Variants in CERKL observed in about 807,000 individuals in gnomAD.
The protein encoded by CERKL is CERK like autophagy regulator.
Under a neutral mutation model 63.4 loss-of-function variants are expected in CERKL, and 61 were observed. The ratio of observed to expected loss-of-function variants is 0.96; its 90% confidence interval spans 0.78 to 1.19. The LOEUF is 1.19. CERKL is among the 50% of genes most tolerant of loss of function. The pLI, the probability that CERKL is intolerant of heterozygous loss-of-function variation, is 0.00. For missense variants in CERKL, 675 were observed against 655.5 expected, an observed-to-expected ratio of 1.03 and a Z score of -0.33; for synonymous variants, 250 against 230.5, an observed-to-expected ratio of 1.08 and a Z score of -0.77.
chr2:181,536,781 A>G lies in CERKL; in HGVS notation c.*1403T>C. On this transcript the variant is annotated 3_prime_UTR_variant, in exon 13 of 13. Transcript: ENST00000410087. ...TTCTTTAAATACAATCATTTTTGTA[A>G]TATTTATTTTATGCTTATGATCTAG... 1 of 244,802 alleles carries G rather than the reference A, an allele frequency of 4.1e-6. No individual in the cohort carries two copies. The highest frequency in any genetic ancestry group is 4.7e-5 in the South Asian group (1 of 21,124). 15.2% of individuals were successfully genotyped at this position (244,802 alleles called of 1,614,324 possible).
At chr2:181,587,492 AT>A (rs1260161330) in intron 2 of CERKL, among the ~76,000 whole-genome samples, 1 of 152,186 alleles carries the variant, frequency 6.6e-6, no homozygotes, top group Non-Finnish European at 1.5e-5. Flanking sequence ...GATATAATGA[AT>A]TTTTACTCAT....
intron 1 of CERKL, among the ~76,000 whole-genome samples, chr2:181,643,226 G>T (rs1458101321): frequency 6.6e-6 from 1 of 152,200 alleles, no homozygotes; most frequent in Non-Finnish European, 1.5e-5. Context: ...TAGGTGGTCA[G>T]AACTGATAGT....
chr2:181,566,357 G>A (rs556928653), intron 3 of CERKL, among the ~76,000 whole-genome samples: 1 of 152,226 alleles, frequency 6.6e-6, no homozygotes, highest in South Asian at 2.1e-4. Flanking sequence ...AAAGTCATTT[G>A]GGAATATCCC....
Position 181,539,172 on chromosome 2 carries a change from C to A in CERKL, c.1458G>T (p.Glu486Asp). ...NTGGYNPEEE[E>D]DETASENCFP... ...AACAATTTTCTGAAGCAGTTTCATCCTCCTCCTCCTCTGGATTATATCCAC... is the reference window on the plus strand; with the variant it reads ...AACAATTTTCTGAAGCAGTTTCATCATCCTCCTCCTCTGGATTATATCCAC... Residue 486 changes from glutamate to aspartate, a missense_variant, in exon 12 of 13, where the codon GAG becomes GAT. By Grantham distance (45) the Glu-to-Asp change is conservative. Transcript: ENST00000410087. 1 of 1,594,960 alleles carries A rather than the reference C, an allele frequency of 6.3e-7. No homozygotes were observed. The highest frequency in any genetic ancestry group is 8.6e-7 in the Non-Finnish European group (1 of 1,162,948).
At chr2:181,604,961 T>C (rs1685618203) in intron 1 of CERKL, among the ~76,000 whole-genome samples, 2 of 152,188 alleles carry the variant, frequency 1.3e-5, no homozygotes, top group East Asian at 3.9e-4. Context: ...ACTCTCAAAG[T>C]AGAAGTGTTT....
chr2:181,539,275 A>G lies in CERKL; in HGVS notation c.1366-11T>C. 6.6e-7 allele frequency: 1 copy of G among 1,523,068 alleles called. No homozygotes were observed. 94.3% of individuals were successfully genotyped at this position (1,523,068 alleles called of 1,614,324 possible). A position where few individuals can be genotyped will look rare whatever the true frequency, so the allele number is the denominator to read the frequency against. On this transcript the variant is annotated splice_polypyrimidine_tract_variant and intron_variant, in intron 11 of 12. Transcript: ENST00000410087. ...AAATGGAAAATTGAACTAAAAATAA[A>G]TACAAATAATCATTATACTTGGTTT...
intron 11 of CERKL, among the ~76,000 whole-genome samples, chr2:181,544,288 T>C (rs1371178664): frequency 2.0e-5 from 3 of 152,222 alleles, no homozygotes; most frequent in East Asian, 1.9e-4. Flanking sequence ...AATGCAGATA[T>C]GCAAACAAAT....
intron 11 of CERKL, among the ~76,000 whole-genome samples, chr2:181,543,983 C>CA (rs11450338): frequency 0.62 from 73,604 of 118,016 alleles, 22,465 homozygotes; most frequent in South Asian, 0.85. Flanking sequence ...GGCTCTAACT[C>CA]AAAAAAAAAA....
chr2:181,620,065 A>G (rs958173451), intron 1 of CERKL, among the ~76,000 whole-genome samples: 8 of 152,202 alleles, frequency 5.3e-5, no homozygotes, highest in South Asian at 2.1e-4. Flanking sequence ...CTGAACCTCC[A>G]TGGGCAACTG....
chr2:181,598,374 TG>T (rs1685309395), intron 2 of CERKL, among the ~76,000 whole-genome samples: 1 of 152,102 alleles, frequency 6.6e-6, no homozygotes. Context: ...CTTTATGAAC[TG>T]AAGGTCATGA....
chr2:181,603,229 A>G lies in CERKL; in HGVS notation c.481+608T>C, dbSNP rs559686631. Reference sequence around the variant, plus strand: ...CACAGAGTACAAATACACACTTGCCATCAATGTGTGAGTGGAAGGAGAATA... The same window carrying G: ...CACAGAGTACAAATACACACTTGCCGTCAATGTGTGAGTGGAAGGAGAATA... On this transcript the variant is annotated intron_variant, in intron 2 of 12. Coordinates refer to ENST00000410087, the MANE Select transcript of CERKL (RefSeq NM_201548.5). 1.4e-4 allele frequency: 25 copies of G among 179,510 alleles called. No homozygotes were observed. The South Asian group carries it at 2.8e-3, about 20-fold the overall frequency. The allele number at this position is 179,510 out of a possible 1,614,324, so 11.1% of individuals were successfully genotyped here.
intron 2 of CERKL, 52 bp downstream of exon 2, chr2:181,603,785 A>G (rs1310250930): frequency 1.9e-6 from 3 of 1,568,756 alleles, no homozygotes; most frequent in Non-Finnish European, 2.6e-6. Context: ...TAGATTAATC[A>G]TGTATATCAA....
chr2:181,584,690 C>G (rs964618243), intron 2 of CERKL, among the ~76,000 whole-genome samples: 1 of 151,650 alleles, frequency 6.6e-6, no homozygotes, highest in Non-Finnish European at 1.5e-5. Context: ...TAACCTGTCT[C>G]CTGCTTGCCT....
intron 1 of CERKL, among the ~76,000 whole-genome samples, chr2:181,621,291 C>A (rs530118027): frequency 8.7e-4 from 132 of 152,184 alleles, no homozygotes; most frequent in African/African-American, 2.4e-3. Context: ...AATTGTAAGT[C>A]TTAATAAAAA....
intron 2 of CERKL, among the ~76,000 whole-genome samples, chr2:181,597,958 G>T (rs1685289894): frequency 6.6e-6 from 1 of 152,208 alleles, no homozygotes; most frequent in Non-Finnish European, 1.5e-5. Flanking sequence ...GGTGGGCACA[G>T]TGCCAATCGC....
At chr2:181,570,205 C>T (rs1688845762) in intron 3 of CERKL, among the ~76,000 whole-genome samples, 1 of 152,124 alleles carries the variant, frequency 6.6e-6, no homozygotes, top group Non-Finnish European at 1.5e-5. Flanking sequence ...ATAAGAATGT[C>T]AAACAGTATT....
chr2:181,561,750 A>G (rs1688455568), intron 4 of CERKL, among the ~76,000 whole-genome samples: 2 of 152,112 alleles, frequency 1.3e-5, no homozygotes, highest in African/African-American at 2.4e-5. Context: ...TGGAGGCTTC[A>G]TCTACATAAC....
chr2:181,582,121 C>T (rs1172880398), intron 2 of CERKL, among the ~76,000 whole-genome samples: 2 of 152,220 alleles, frequency 1.3e-5, no homozygotes, highest in South Asian at 4.1e-4. Flanking sequence ...AAACTCTGAA[C>T]CACTGTCCAT....
At chr2:181,626,790 T>G (rs1476436638) in intron 1 of CERKL, among the ~76,000 whole-genome samples, 1 of 152,244 alleles carries the variant, frequency 6.6e-6, no homozygotes, top group Admixed American at 6.5e-5. Flanking sequence ...CTGGCCTTAC[T>G]ACCAGAGAGG....
Sources: allele counts gnomAD v4.1 joint callset (sites outside exome capture counted in the v4.1 genomes callset), GRCh38; gene constraint gnomAD v4.1.1; transcripts MANE v1.5; gene names NCBI Gene and HGNC (gene_info 2026-07-23, HGNC 2026-07-21).